Variants in BAZ2B observed in about 807,000 individuals in gnomAD.
BAZ2B encodes bromodomain adjacent to zinc finger domain 2B.
A neutral mutation model predicts 246.0 loss-of-function variants in BAZ2B; 91 were observed. The observed-to-expected ratio is 0.37, with a 90% CI of 0.31 to 0.44. BAZ2B has a LOEUF of 0.44. Ranked by LOEUF, BAZ2B falls within the 20% of genes least tolerant of loss-of-function variation. BAZ2B has a pLI of 1.00. For synonymous variants in BAZ2B, 855 were observed against 860.0 expected (o/e 0.99, Z 0.10); for missense variants, 2,332 against 2,533.7 (o/e 0.92, Z 1.71).
At chr2:159,583,471 C>T (rs1040577602) in intron 1 of BAZ2B, among the ~76,000 whole-genome samples, 1 of 152,058 alleles carries the variant, frequency 6.6e-6, no homozygotes, top group African/African-American at 2.4e-5. Flanking sequence ...GTATGTTTAC[C>T]GCTTATGAAA....
chr2:159,595,273 T>C (rs1405217982), intron 1 of BAZ2B, among the ~76,000 whole-genome samples: 1 of 152,058 alleles, frequency 6.6e-6, no homozygotes, highest in Admixed American at 6.5e-5. Context: ...TGGCTAATTT[T>C]GTATTTTTAG....
the BAZ2B span, among the ~76,000 whole-genome samples, chr2:159,667,951 T>C: frequency 6.6e-6 from 1 of 152,172 alleles, no homozygotes; most frequent in Admixed American, 6.6e-5. Flanking sequence ...ATTGAAATTA[T>C]ATTAGTTTTA....
At chr2:159,651,113 C>G in the BAZ2B span, among the ~76,000 whole-genome samples, 1 of 152,150 alleles carries the variant, frequency 6.6e-6, no homozygotes, top group Non-Finnish European at 1.5e-5. Context: ...AAGATACTTT[C>G]TTTCCTCACT....
chr2:159,575,703 T>C (rs1022189251), intron 1 of BAZ2B, among the ~76,000 whole-genome samples: 1 of 152,116 alleles, frequency 6.6e-6, no homozygotes, highest in Admixed American at 6.5e-5. Context: ...AGACTAGAAA[T>C]TGGAATAATA....
intron 1 of BAZ2B, among the ~76,000 whole-genome samples, chr2:159,614,692 A>G (rs1695495236): frequency 6.6e-6 from 1 of 152,134 alleles, no homozygotes; most frequent in African/African-American, 2.4e-5. Flanking sequence ...CATTTTTTGC[A>G]TATAATCTTC....
the BAZ2B span, among the ~76,000 whole-genome samples, chr2:159,692,126 T>A: frequency 1.3e-5 from 2 of 152,168 alleles, no homozygotes; most frequent in East Asian, 3.8e-4. Flanking sequence ...ATATATTTCA[T>A]GCATTCATGA....
At chr2:159,453,824 T>TA (rs2075386607) in intron 3 of BAZ2B, 23 bp from the exon 4 acceptor site, 4 of 1,553,442 alleles carry the variant, frequency 2.6e-6, no homozygotes, top group Non-Finnish European at 2.6e-6. Flanking sequence ...AAAACACACT[T>TA]AAAGTTGTAC....
At chr2:159,610,158 T>C (rs549407794) in intron 1 of BAZ2B, among the ~76,000 whole-genome samples, 2 of 152,056 alleles carry the variant, frequency 1.3e-5, no homozygotes, top group Non-Finnish European at 2.9e-5. Flanking sequence ...GGAAAAAAAA[T>C]CAAAATCTCT....
intron 1 of BAZ2B, among the ~76,000 whole-genome samples, chr2:159,594,259 C>T (rs944395250): frequency 4.6e-5 from 7 of 152,054 alleles, no homozygotes; most frequent in Non-Finnish European, 8.8e-5. Flanking sequence ...ACAAAAAAAT[C>T]AGCCAGGCGT....
the BAZ2B span, among the ~76,000 whole-genome samples, chr2:159,625,908 G>A: frequency 1.3e-5 from 2 of 151,976 alleles, no homozygotes; most frequent in Admixed American, 6.5e-5. Flanking sequence ...AGACCCATTG[G>A]TGTGCTGTAT....
intron 2 of BAZ2B, among the ~76,000 whole-genome samples, chr2:159,491,830 T>C (rs1211674268): frequency 2.0e-5 from 3 of 150,814 alleles, no homozygotes; most frequent in South Asian, 2.1e-4. Flanking sequence ...AAACTTCCCA[T>C]AGGCTATAAT....
At chr2:159,541,781 C>T (rs1338539610) in intron 2 of BAZ2B, among the ~76,000 whole-genome samples, 1 of 152,014 alleles carries the variant, frequency 6.6e-6, no homozygotes, top group East Asian at 1.9e-4. Context: ...TCTTCATATG[C>T]CTTTAAGTTA....
At chr2:159,454,377 A>C (rs2075459531) in intron 3 of BAZ2B, among the ~76,000 whole-genome samples, 1 of 152,180 alleles carries the variant, frequency 6.6e-6, no homozygotes, top group African/African-American at 2.4e-5. Context: ...GTCATCATGC[A>C]AACATTGTAC....
At chr2:159,443,075 T>A (rs1451858929) in intron 6 of BAZ2B, among the ~76,000 whole-genome samples, 1 of 152,186 alleles carries the variant, frequency 6.6e-6, no homozygotes, top group East Asian at 1.9e-4. Context: ...AATCAAATGG[T>A]AATTCAATTT....
intron 27 of BAZ2B, among the ~76,000 whole-genome samples, chr2:159,364,490 T>C (rs1227126637): frequency 6.6e-6 from 1 of 152,148 alleles, no homozygotes; most frequent in Non-Finnish European, 1.5e-5. Flanking sequence ...ACTCCTGTGC[T>C]TAATTGATTC....
intron 16 of BAZ2B, chr2:159,404,489 G>A: frequency 6.3e-6 from 1 of 158,498 alleles, no homozygotes; most frequent in Non-Finnish European, 1.4e-5. Context: ...TATTTTACAT[G>A]TTTAAGAAAA....
chr2:159,602,161 G>A (rs1222209587), intron 1 of BAZ2B, among the ~76,000 whole-genome samples: 1 of 152,034 alleles, frequency 6.6e-6, no homozygotes, highest in African/African-American at 2.4e-5. Context: ...ATAAACCTAG[G>A]AGCCATAAAT....
At chr2:159,505,705 A>G (rs2082260530) in intron 2 of BAZ2B, among the ~76,000 whole-genome samples, 2 of 152,188 alleles carry the variant, frequency 1.3e-5, no homozygotes, top group Admixed American at 1.3e-4. Flanking sequence ...GATAGCTTGG[A>G]TGAAAAGGTC....
chr2:159,340,695 C>A (rs1414227379), intron 31 of BAZ2B, among the ~76,000 whole-genome samples: 3 of 151,510 alleles, frequency 2.0e-5, no homozygotes, highest in African/African-American at 7.3e-5. Context: ...GAAAAAGAAT[C>A]TTTTACAGAC....
Sources: gnomAD v4.1 joint callset for allele counts (sites outside exome capture counted in the v4.1 genomes callset) on GRCh38, gnomAD v4.1.1 for gene constraint, MANE v1.5 for transcripts, NCBI Gene and HGNC (gene_info 2026-07-23, HGNC 2026-07-21) for gene names.